Variants in SDK1 observed in about 807,000 individuals in gnomAD.
SDK1 encodes protein sidekick-1.
In SDK1, 157 loss-of-function variants were observed where a neutral mutation model predicts 245.5. That is an observed-to-expected ratio of 0.64 (90% CI 0.56 to 0.73). The LOEUF (loss-of-function observed/expected upper bound fraction) is 0.73, where lower values mean the gene tolerates loss of function less well. Ranked by LOEUF, SDK1 falls within the 30% of genes least tolerant of loss-of-function variation. The pLI is 0.00. For synonymous variants in SDK1, 1,647 were observed against 1,278.5 expected (o/e 1.29, Z -6.15); for missense variants, 3,583 against 3,002.3 (o/e 1.19, Z -4.52).
At position 4,017,199 on chromosome 7, in the gene SDK1, T is replaced by G. The variant is rs1458634549; in HGVS notation, c.2449T>G (p.Tyr817Asp). ...CCGCCTGGCTGGCCTTCCCGGAGAGTACCAGCAGCGGAACATCACCAGCCC... is the reference window on the plus strand; with the variant it reads ...CCGCCTGGCTGGCCTTCCCGGAGAGGACCAGCAGCGGAACATCACCAGCCC... ...RYRLAGLPGE[Y>D]QQRNITSPEV... Residue 817 changes from tyrosine (Y) to aspartate (D), a missense_variant, in exon 17 of 45, where the codon TAC (tyrosine) becomes GAC (aspartate). By Grantham distance (160) the Tyr-to-Asp change is radical (BLOSUM62 -3). Coordinates refer to ENST00000404826, the MANE Select transcript of SDK1 (RefSeq NM_152744.4). 5 of 1,613,044 alleles carry G rather than the reference T, an allele frequency of 3.1e-6. No homozygotes were observed. Among genetic ancestry groups the G allele is most frequent in the Non-Finnish European group, 4.2e-6 (5 of 1,179,544 alleles).
At chr7:3,687,596 C>G (rs548278915) in intron 4 of SDK1, among the ~76,000 whole-genome samples, 1 of 152,102 alleles carries the variant, frequency 6.6e-6, no homozygotes, top group Non-Finnish European at 1.5e-5. Flanking sequence ...CAAGAAATGG[C>G]GGTGATGAAA....
Position 4,026,880 on chromosome 7 carries a change from A to G in SDK1, c.2602+9528A>G, listed in dbSNP as rs2128156599. On this transcript the variant is annotated intron_variant, in intron 17 of 44. Transcript: ENST00000404826. This position sits in a 1 kb window ranked among gnomAD's most constrained non-coding sequence, Gnocchi z 4.1. ...GTGCGGCCGGTGACTCTACCAGGTA[A>G]CGAACTCACCGCTCCCTGGTTTCAA... Among the ~76,000 whole-genome samples, 1 of 152,348 alleles carries G rather than the reference A, an allele frequency of 6.6e-6. No individual in the cohort carries two copies. The highest frequency in any genetic ancestry group is 2.4e-5 in the African/African-American group (1 of 41,584).
intron 2 of SDK1, among the ~76,000 whole-genome samples, chr7:3,627,339 A>C (rs1472378921): frequency 6.6e-6 from 1 of 152,152 alleles, no homozygotes; most frequent in Admixed American, 6.5e-5. Flanking sequence ...GCCTGTTTTC[A>C]TACCTCCTTC....
chr7:3,919,308 T>A (rs1490965219), intron 5 of SDK1, among the ~76,000 whole-genome samples: 1 of 152,178 alleles, frequency 6.6e-6, no homozygotes, highest in Non-Finnish European at 1.5e-5. Context: ...TGGCCGGCCT[T>A]GCAGCCCGTG....
chr7:3,544,023 A>G (rs1041796647), intron 1 of SDK1, among the ~76,000 whole-genome samples: 1 of 152,234 alleles, frequency 6.6e-6, no homozygotes, highest in African/African-American at 2.4e-5. Context: ...TTCCTCAACC[A>G]TAACCATTGT....
chr7:3,826,134 C>T (rs138284067), intron 5 of SDK1, among the ~76,000 whole-genome samples: 1 of 152,290 alleles, frequency 6.6e-6, no homozygotes, highest in Non-Finnish European at 1.5e-5. Flanking sequence ...TGGTGTTGGA[C>T]AGAACTAAGT....
chr7:4,092,923 C>T (rs1456048681), intron 22 of SDK1, among the ~76,000 whole-genome samples: 4 of 152,182 alleles, frequency 2.6e-5, no homozygotes, highest in Non-Finnish European at 5.9e-5. Flanking sequence ...CGTTTCTTCC[C>T]TTTCATCTAC....
At chr7:4,223,161 C>T (rs1293359686) in intron 40 of SDK1, among the ~76,000 whole-genome samples, 2 of 151,588 alleles carry the variant, frequency 1.3e-5, no homozygotes, top group African/African-American at 2.4e-5. Context: ...GAGGAGGGTA[C>T]GAGTGTCCTG....
rs532275194 is a variant in SDK1, at chr7:3,969,612, G to A, written c.1714+188G>A. On this transcript the variant is annotated intron_variant, in intron 11 of 44. Coordinates refer to ENST00000404826, the MANE Select transcript of SDK1 (RefSeq NM_152744.4). ...TTTTCAATGTCTAAAAGAATACCTAGAAAATGTATTCAGAGATTTAATAGG... is the reference window on the plus strand; with the variant it reads ...TTTTCAATGTCTAAAAGAATACCTAAAAAATGTATTCAGAGATTTAATAGG... Among the ~76,000 whole-genome samples the A allele has an allele frequency of 3.3e-5, 5 of 152,294 alleles. No individual in the cohort carries two copies. The South Asian group carries it at 1.0e-3, about 32-fold the overall frequency.
intron 5 of SDK1, among the ~76,000 whole-genome samples, chr7:3,937,924 G>A (rs781481889): frequency 1.3e-4 from 19 of 151,850 alleles, no homozygotes; most frequent in Non-Finnish European, 2.4e-4. Context: ...TGCAACCTCC[G>A]CCTCCCATGT....
intron 5 of SDK1, among the ~76,000 whole-genome samples, chr7:3,840,656 A>T (rs1388388149): frequency 1.3e-5 from 2 of 152,248 alleles, no homozygotes; most frequent in Non-Finnish European, 2.9e-5. Flanking sequence ...CTCCCAGGTG[A>T]TGCTGATACT....
At chr7:4,066,271 A>G (rs1779891844) in intron 19 of SDK1, among the ~76,000 whole-genome samples, 1 of 151,854 alleles carries the variant, frequency 6.6e-6, no homozygotes, top group South Asian at 2.1e-4. Flanking sequence ...GTCAGAGAGG[A>G]GGTAGGGCTC....
chr7:3,807,355 G>T (rs530699559), intron 4 of SDK1, among the ~76,000 whole-genome samples: 10 of 152,290 alleles, frequency 6.6e-5, no homozygotes, highest in African/African-American at 2.4e-4. Context: ...CGGGTGGTGT[G>T]GGGGCTCCCT....
At chr7:3,885,594 T>C (rs559446324) in intron 5 of SDK1, among the ~76,000 whole-genome samples, 111 of 152,298 alleles carry the variant, frequency 7.3e-4, no homozygotes, top group African/African-American at 2.5e-3. Context: ...TCCTCCCTCT[T>C]GATGGTGTGG....
chr7:3,956,438 C>A (rs1459947352), intron 7 of SDK1, among the ~76,000 whole-genome samples: 5 of 152,192 alleles, frequency 3.3e-5, no homozygotes, highest in African/African-American at 1.2e-4. Flanking sequence ...AGGGAGAGAA[C>A]TCGTACCCTC....
rs116911571 is a variant in SDK1 at position 4,031,628 on chromosome 7, T to C, written c.2602+14276T>C. ...GTAATTATATGTATGTAGAGAAATA[T>C]ATGTAGATATAGCAACTATCTACAT... On this transcript the variant is annotated intron_variant, in intron 17 of 44. Coordinates refer to ENST00000404826, the MANE Select transcript of SDK1 (RefSeq NM_152744.4). 5.3e-3 allele frequency among the ~76,000 whole-genome samples: 814 copies of C among 152,206 alleles called. 6 individuals carry two copies. Among genetic ancestry groups the C allele is most frequent in the South Asian group, 0.039 (190 of 4,820 alleles).
At chr7:3,431,168 T>C (rs1779834492) in intron 1 of SDK1, among the ~76,000 whole-genome samples, 1 of 152,178 alleles carries the variant, frequency 6.6e-6, no homozygotes, top group Non-Finnish European at 1.5e-5. Context: ...CCCAAAGTGC[T>C]GGGATTACAG....
At chr7:3,776,865 A>G (rs1055631539) in intron 4 of SDK1, among the ~76,000 whole-genome samples, 4 of 152,300 alleles carry the variant, frequency 2.6e-5, no homozygotes, top group Non-Finnish European at 4.4e-5. Flanking sequence ...TTGCATAACC[A>G]CCATATAGTG....
intron 1 of SDK1, among the ~76,000 whole-genome samples, chr7:3,576,516 G>A (rs890322892): frequency 2.0e-5 from 3 of 152,084 alleles, no homozygotes; most frequent in Admixed American, 1.3e-4. Context: ...TTTGCCTTTT[G>A]AGGAACTGAT....
Sources: allele counts gnomAD v4.1 joint callset (sites outside exome capture counted in the v4.1 genomes callset), GRCh38; gene constraint gnomAD v4.1.1; non-coding constraint Gnocchi (gnomAD v3.1); transcripts MANE v1.5; gene names NCBI Gene and HGNC (gene_info 2026-07-23, HGNC 2026-07-21).